The following MEGF11 variants were observed in gnomAD, a reference collection of about 807,000 sequenced individuals.
MEGF11 encodes the protein multiple EGF like domains 11.
A neutral mutation model predicts 146.6 loss-of-function variants in MEGF11; 126 were observed. The ratio of observed to expected loss-of-function variants is 0.86; its 90% confidence interval spans 0.74 to 1.00. The LOEUF (loss-of-function observed/expected upper bound fraction) is 1.00. Among genes scored for constraint, MEGF11 ranks in the 50% least tolerant of loss-of-function variants. MEGF11 has a pLI of 0.00. For missense variants in MEGF11, 1,509 were observed against 1,521.2 expected (o/e 0.99, Z 0.13); for synonymous variants, 532 against 583.4 (o/e 0.91, Z 1.27).
chr15:66,121,501 A>G (rs1307429613), intron 3 of MEGF11, among the ~76,000 whole-genome samples: 2 of 152,264 alleles, frequency 1.3e-5, no homozygotes, highest in African/African-American at 4.8e-5. Flanking sequence ...GAGGGAGGAC[A>G]AAAGCAGGCT....
intron 5 of MEGF11, among the ~76,000 whole-genome samples, chr15:66,045,378 G>T (rs2084163754): frequency 6.6e-6 from 1 of 152,170 alleles, no homozygotes; most frequent in Non-Finnish European, 1.5e-5. Flanking sequence ...GGAGGGATGG[G>T]GAGTCTGCTG....
At chr15:66,155,106 G>A (rs2089707182) in intron 1 of MEGF11, among the ~76,000 whole-genome samples, 1 of 152,232 alleles carries the variant, frequency 6.6e-6, no homozygotes, top group African/African-American at 2.4e-5. Context: ...GGCTGCTCAA[G>A]GTCACTGTGT....
chr15:66,184,545 C>T (rs1427002995), intron 1 of MEGF11, among the ~76,000 whole-genome samples: 2 of 152,066 alleles, frequency 1.3e-5, no homozygotes, highest in East Asian at 1.9e-4. Context: ...CTCACTCTCC[C>T]CACAACCCCA....
At chr15:66,101,295 T>C (rs1252445032) in intron 4 of MEGF11, among the ~76,000 whole-genome samples, 1 of 152,170 alleles carries the variant, frequency 6.6e-6, no homozygotes, top group African/African-American at 2.4e-5. Context: ...CTCTCATCTT[T>C]GGCACTGGAA....
rs79641787 is a variant in MEGF11, at chr15:66,165,389, G to A, written c.-8-36978C>T. Reference sequence around the variant, plus strand: ...CTGATATACAGCAGGTGTCCACAGGGCAGCTGACCTTGTCAAACAGCTTCA... The same window carrying A: ...CTGATATACAGCAGGTGTCCACAGGACAGCTGACCTTGTCAAACAGCTTCA... On this transcript the variant is annotated intron_variant, in intron 1 of 25. Coordinates refer to ENST00000395614, the MANE Select transcript of MEGF11 (RefSeq NM_001385028.1). Among the ~76,000 whole-genome samples the A allele has an allele frequency of 4.2e-3, 633 of 152,326 alleles. 5 individuals are homozygous for A. The highest frequency in any genetic ancestry group is 0.015 in the African/African-American group (603 of 41,556).
intron 10 of MEGF11, 63 bp downstream of exon 10, chr15:65,957,483 AG>A: frequency 6.7e-7 from 1 of 1,496,078 alleles, no homozygotes; most frequent in Admixed American, 1.9e-5. Context: ...TGATTGCACC[AG>A]GAGGTGAGGG....
chr15:66,038,870 G>A (rs918854718), intron 5 of MEGF11, among the ~76,000 whole-genome samples: 1 of 152,154 alleles, frequency 6.6e-6, no homozygotes, highest in Admixed American at 6.5e-5. Flanking sequence ...AGCAGGAGGG[G>A]AAAAAAGAAG....
chr15:66,224,143 G>A (rs11637903), intron 1 of MEGF11, among the ~76,000 whole-genome samples: 84,662 of 152,022 alleles, frequency 0.56, 24,553 homozygotes, highest in Non-Finnish European at 0.66. Flanking sequence ...TCCCAGCTCC[G>A]CCTATTACCA....
chr15:66,194,995 T>C (rs537792147), intron 1 of MEGF11, among the ~76,000 whole-genome samples: 7 of 152,188 alleles, frequency 4.6e-5, no homozygotes, highest in East Asian at 1.9e-4. Context: ...GCACGTGGTC[T>C]AGTTATGTCC....
chr15:66,138,130 C>T (rs972135749), intron 1 of MEGF11, among the ~76,000 whole-genome samples: 2 of 152,182 alleles, frequency 1.3e-5, no homozygotes, highest in African/African-American at 4.8e-5. Flanking sequence ...GCCCTACAGG[C>T]AACTCCTCCA....
At chr15:65,984,883 C>T (rs1460881820) in intron 5 of MEGF11, among the ~76,000 whole-genome samples, 3 of 151,994 alleles carry the variant, frequency 2.0e-5, no homozygotes, top group East Asian at 3.9e-4. Flanking sequence ...ATTCTCCTGC[C>T]TCAGCCTCCC....
intron 1 of MEGF11, among the ~76,000 whole-genome samples, chr15:66,230,931 G>A (rs943095294): frequency 6.6e-6 from 1 of 152,208 alleles, no homozygotes; most frequent in Admixed American, 6.5e-5. Flanking sequence ...CAGAACCAGA[G>A]AGGCAGCGTT....
chr15:66,169,356 C>T (rs1036432958), intron 1 of MEGF11, among the ~76,000 whole-genome samples: 2 of 152,220 alleles, frequency 1.3e-5, no homozygotes, highest in African/African-American at 4.8e-5. Context: ...AAAGCCCAGG[C>T]CCAGATGTCT....
rs2078348848 is a variant in MEGF11 at position 65,895,800 on chromosome 15, A to G, written c.*2134T>C. 1 of 152,370 alleles carries G rather than the reference A, an allele frequency of 6.6e-6. No individual in the cohort carries two copies. Among genetic ancestry groups the G allele is most frequent in the Non-Finnish European group, 1.5e-5 (1 of 68,022 alleles). The allele number at this position is 152,370 out of a possible 1,614,324, so 9.4% of individuals were successfully genotyped here. On this transcript the variant is annotated 3_prime_UTR_variant, in exon 26 of 26. Coordinates refer to ENST00000395614, the MANE Select transcript of MEGF11 (RefSeq NM_001385028.1). ...CCCACTCTCTGCTTCTCCCCTTTTT[A>G]TGCATAGGAAAAAAGGGAGCCCAGA...
intron 5 of MEGF11, among the ~76,000 whole-genome samples, chr15:66,005,630 A>G (rs1392474502): frequency 1.3e-5 from 2 of 152,168 alleles, no homozygotes; most frequent in African/African-American, 2.4e-5. Flanking sequence ...ACCTTTTCAG[A>G]TGGTGGCTGG....
At chr15:66,199,867 C>T (rs898235652) in intron 1 of MEGF11, among the ~76,000 whole-genome samples, 2 of 151,846 alleles carry the variant, frequency 1.3e-5, no homozygotes, top group Admixed American at 6.6e-5. Context: ...ATAATATAGT[C>T]CAAACTAGAA....
chr15:66,117,614 C>T (rs1006329668), intron 4 of MEGF11, among the ~76,000 whole-genome samples: 1 of 152,230 alleles, frequency 6.6e-6, no homozygotes, highest in African/African-American at 2.4e-5. Context: ...GGGCCCTGAG[C>T]TTGCGCGGGC....
chr15:65,922,596 G>A (rs2079212328), intron 14 of MEGF11, 124 bp from the exon 15 acceptor site: 8 of 1,362,794 alleles, frequency 5.9e-6, no homozygotes, highest in South Asian at 4.5e-5. Context: ...CTTGGAGGGC[G>A]CATCCCTTTC....
intron 8 of MEGF11, among the ~76,000 whole-genome samples, chr15:65,966,813 C>G (rs1039695710): frequency 3.3e-5 from 5 of 152,020 alleles, no homozygotes; most frequent in African/African-American, 1.2e-4. Flanking sequence ...GTGTGACCCC[C>G]CACTGCTGAC....
Sources: gnomAD v4.1 joint callset for allele counts (sites outside exome capture counted in the v4.1 genomes callset) on GRCh38, gnomAD v4.1.1 for gene constraint, MANE v1.5 for transcripts, NCBI Gene and HGNC (gene_info 2026-07-23, HGNC 2026-07-21) for gene names.